LAMC1: variants seen among roughly 807,000 people sequenced by gnomAD.
LAMC1 encodes laminin subunit gamma-1.
In LAMC1, 38 loss-of-function variants were observed where a neutral mutation model predicts 173.6. That is an observed-to-expected ratio of 0.22 (90% confidence interval 0.17 to 0.29). The LOEUF (loss-of-function observed/expected upper bound fraction) is 0.29. Among genes scored for constraint, LAMC1 ranks in the 10% least tolerant of loss-of-function variants. The pLI is 1.00. For synonymous variants in LAMC1, 746 were observed against 749.1 expected (o/e 1.00, Z 0.07); for missense variants, 1,824 against 2,051.8 (o/e 0.89, Z 2.14).
intron 13 of LAMC1, among the ~76,000 whole-genome samples, chr1:183,123,999 A>G (rs1339000544): frequency 1.3e-5 from 2 of 152,196 alleles, no homozygotes; most frequent in African/African-American, 4.8e-5. Flanking sequence ...GAGTGGAAAG[A>G]GCTCTGGATT....
At chr1:183,142,144 T>C (rs1405613581) in intron 27 of LAMC1, among the ~76,000 whole-genome samples, 1 of 152,188 alleles carries the variant, frequency 6.6e-6, no homozygotes, top group Admixed American at 6.5e-5. Flanking sequence ...TCTTAGAGAT[T>C]TGTGTATCTT....
Position 183,126,274 on chromosome 1 carries a change from TG to T in LAMC1, c.2944+14del, listed in dbSNP as rs573147693. 5 of 1,611,750 alleles carry T rather than the reference TG, an allele frequency of 3.1e-6. No homozygotes were observed. In the East Asian group the frequency reaches 1.1e-4, roughly 36 times the overall value. On this transcript the variant is annotated intron_variant, in intron 16 of 27. Coordinates refer to ENST00000258341, the MANE Select transcript of LAMC1 (RefSeq NM_002293.4). Reference sequence around the variant, plus strand: ...TGAAGGCTGCAAACGTAAGGGGTGTTGGTGGCATACAACTCTAAGCTTCCAC... The same window carrying T: ...TGAAGGCTGCAAACGTAAGGGGTGTTGTGGCATACAACTCTAAGCTTCCAC...
At chr1:183,062,263 A>G (rs1367848251) in intron 1 of LAMC1, among the ~76,000 whole-genome samples, 2 of 152,246 alleles carry the variant, frequency 1.3e-5, no homozygotes, top group African/African-American at 4.8e-5. Flanking sequence ...TGCTGCATCA[A>G]TACTATTTTC....
intron 24 of LAMC1, among the ~76,000 whole-genome samples, 166 bp downstream of exon 24, chr1:183,135,322 C>T (rs1656907501): frequency 6.6e-6 from 1 of 152,142 alleles, no homozygotes; most frequent in Non-Finnish European, 1.5e-5. Flanking sequence ...TTTATCCCTG[C>T]ATACTTCAGT....
intron 1 of LAMC1, among the ~76,000 whole-genome samples, chr1:183,027,448 CT>C (rs1300756003): frequency 6.6e-6 from 1 of 152,064 alleles, no homozygotes; most frequent in East Asian, 1.9e-4. Flanking sequence ...AAGGATTTGC[CT>C]TTTATCAAAC....
chr1:183,117,638 G>A lies in LAMC1; in HGVS notation c.1792G>A (p.Glu598Lys). 1 of 1,614,238 alleles carries A rather than the reference G, an allele frequency of 6.2e-7. No individual in the cohort carries two copies. The highest frequency in any genetic ancestry group is 8.5e-7 in the Non-Finnish European group (1 of 1,180,048). The change falls in exon 10 of 28, where the codon GAG becomes AAG. Residue 598 changes from glutamate to lysine, a missense_variant. Coordinates refer to ENST00000258341, the MANE Select transcript of LAMC1 (RefSeq NM_002293.4). The stretch of plus-strand genomic sequence containing the variant: ...CCTCTCTGCAGAAGACCTTGTGCTT[G>A]AGGGAGCTGGCTTAAGAGTATCTGT... ...TRLSAEDLVL[E>K]GAGLRVSVPL...
At chr1:183,086,771 T>C (rs931054207) in intron 1 of LAMC1, among the ~76,000 whole-genome samples, 1 of 152,224 alleles carries the variant, frequency 6.6e-6, no homozygotes, top group Non-Finnish European at 1.5e-5. Context: ...GTCAGAAAAT[T>C]ACTTAAGTCT....
At chr1:183,056,119 G>A (rs1284030888) in intron 1 of LAMC1, among the ~76,000 whole-genome samples, 1 of 152,256 alleles carries the variant, frequency 6.6e-6, no homozygotes, top group Non-Finnish European at 1.5e-5. Flanking sequence ...GCAGTGTGGT[G>A]CAGTGGTTAG....
intron 1 of LAMC1, among the ~76,000 whole-genome samples, chr1:183,036,764 CTTTTTTTGTTTTG>C (rs1462836825): frequency 1.3e-5 from 2 of 151,764 alleles, no homozygotes; most frequent in African/African-American, 4.8e-5. Flanking sequence ...GGATTGTTTT[CTTTTTTTGTTTTG>C]TTTTGTTTTG....
chr1:183,136,734 T>C, intron 25 of LAMC1, 149 bp downstream of exon 25: 1 of 656,254 alleles, frequency 1.5e-6, no homozygotes, highest in Non-Finnish European at 2.6e-6. Context: ...TTTTTTTTCT[T>C]TTGACTAGGC....
chr1:183,023,928 C>T lies in LAMC1; in HGVS notation c.212C>T (p.Thr71Ile). The change falls in exon 1 of 28, where the codon ACT (threonine) becomes ATT (isoleucine). Residue 71 changes from threonine (T) to isoleucine (I), a missense_variant. Transcript: ENST00000258341. Reference sequence around the variant, plus strand: ...GTGGTGGCCACCAACACGTGTGGGACTCCGCCCGAGGAATACTGTGTGCAG... The same window carrying T: ...GTGGTGGCCACCAACACGTGTGGGATTCCGCCCGAGGAATACTGTGTGCAG... Reference protein sequence around the residue: ...VTVVATNTCGTPPEEYCVQTG... With the variant: ...VTVVATNTCGIPPEEYCVQTG... 6.2e-7 allele frequency: 1 copy of T among 1,613,232 alleles called. No individual in the cohort carries two copies. Among genetic ancestry groups the T allele is most frequent in the Non-Finnish European group, 8.5e-7 (1 of 1,179,954 alleles).
rs754375969 is a variant in LAMC1 at position 183,140,499 on chromosome 1, G to T, written c.4569G>T (p.Gln1523His). 2 of 1,608,882 alleles carry T rather than the reference G, an allele frequency of 1.2e-6. No individual in the cohort carries two copies. Among genetic ancestry groups the T allele is most frequent in the East Asian group, 2.2e-5 (1 of 44,816 alleles). Residue 1523 changes from glutamine (Q) to histidine (H), a missense_variant, in exon 27 of 28, where the codon CAG becomes CAT. Transcript: ENST00000258341. ...GCATTATTAATGACCTCTTGGAGCA[G>T]CTGGGTACGTAGCCATAGAGTCATT... ...LLSIINDLLE[Q>H]LGQLDTVDLN... is the part of the protein sequence containing the mutation.
chr1:183,028,384 C>G (rs1653750202), intron 1 of LAMC1, among the ~76,000 whole-genome samples: 1 of 152,166 alleles, frequency 6.6e-6, no homozygotes, highest in Admixed American at 6.5e-5. Context: ...GATTGAGGGT[C>G]CTATCTTCAG....
intron 1 of LAMC1, among the ~76,000 whole-genome samples, chr1:183,060,592 C>T (rs1469564887): frequency 6.6e-6 from 1 of 152,166 alleles, no homozygotes; most frequent in African/African-American, 2.4e-5. Context: ...ACAGTGCTTA[C>T]TACACTGTGT....
intron 1 of LAMC1, among the ~76,000 whole-genome samples, chr1:183,067,162 C>G (rs1654895507): frequency 6.6e-6 from 1 of 151,986 alleles, no homozygotes; most frequent in African/African-American, 2.4e-5. Flanking sequence ...TCTAGAAAAG[C>G]TTTAAAGTAG....
chr1:183,062,700 C>G (rs1333474139), intron 1 of LAMC1, among the ~76,000 whole-genome samples: 1 of 152,046 alleles, frequency 6.6e-6, no homozygotes, highest in African/African-American at 2.4e-5. Context: ...GCCTGTAATC[C>G]TAGCACTTTG....
chr1:183,116,087 G>A (rs372498664), intron 6 of LAMC1, among the ~76,000 whole-genome samples: 38 of 148,652 alleles, frequency 2.6e-4, no homozygotes, highest in African/African-American at 7.7e-4. Context: ...CCGAGATCGC[G>A]CCACTGCACT....
intron 1 of LAMC1, among the ~76,000 whole-genome samples, chr1:183,056,007 A>T (rs1235660818): frequency 6.6e-6 from 1 of 152,218 alleles, no homozygotes; most frequent in Non-Finnish European, 1.5e-5. Flanking sequence ...AATAAGAATC[A>T]AGTGGCATTT....
At chr1:183,024,268 C>A in intron 1 of LAMC1, 134 bp downstream of exon 1, 2 of 820,694 alleles carry the variant, frequency 2.4e-6, no homozygotes, top group Non-Finnish European at 3.8e-6. Flanking sequence ...ATGGGCCACA[C>A]AGAAACTCCT....
Sources: allele counts gnomAD v4.1 joint callset (sites outside exome capture counted in the v4.1 genomes callset), GRCh38; gene constraint gnomAD v4.1.1; transcripts MANE v1.5; gene names NCBI Gene and HGNC (gene_info 2026-07-23, HGNC 2026-07-21).